LIPC: variants seen among roughly 807,000 people sequenced by gnomAD.
The protein encoded by LIPC is lipase C, hepatic type, also known as hepatic triacylglycerol lipase.
In LIPC, 44 loss-of-function variants were observed where a neutral mutation model predicts 50.7. The observed-to-expected ratio is 0.87, with a 90% CI of 0.68 to 1.11. The LOEUF is 1.11. LIPC is among the 50% of genes most tolerant of loss of function. LIPC has a pLI of 0.00. For synonymous variants in LIPC, 271 were observed against 256.4 expected (o/e 1.06, Z -0.54); for missense variants, 697 against 648.2 (o/e 1.08, Z -0.82).
At position 58,496,743 on chromosome 15, in the gene LIPC, C is replaced by CAAAAAAAAAAAAAAAAAAAAAAA. The variant is rs10716717; in HGVS notation, c.89-41573_89-41572insAAAAAAAAAAAAAAAAAAAAAAA. 2.3e-3 allele frequency among the ~76,000 whole-genome samples: 267 copies of CAAAAAAAAAAAAAAAAAAAAAAA among 114,078 alleles called. 16 individuals carry two copies. Among genetic ancestry groups the CAAAAAAAAAAAAAAAAAAAAAAA allele is most frequent in the Non-Finnish European group, 2.5e-3 (142 of 56,496 alleles). 74.8% of individuals were successfully genotyped at this position (114,078 alleles called of 152,430 possible). A position where few individuals can be genotyped will look rare whatever the true frequency, so the allele number is the denominator to read the frequency against. On this transcript the variant is annotated intron_variant, in intron 1 of 8. Transcript: ENST00000299022. ...GCCCTGCTACAGAAGTCTTCCCCCT[C>CAAAAAAAAAAAAAAAAAAAAAAA]AAAAAAAAAAAAAAAAATTAAGATG...
chr15:58,558,711 A>T (rs1894048731), intron 6 of LIPC, among the ~76,000 whole-genome samples: 1 of 152,164 alleles, frequency 6.6e-6, no homozygotes, highest in African/African-American at 2.4e-5. Context: ...ACACTGGTCC[A>T]TGGAAAAACT....
At chr15:58,565,413 G>A in intron 8 of LIPC, 1 of 1,458,324 alleles carries the variant, frequency 6.9e-7, no homozygotes, top group Non-Finnish European at 9.0e-7. Context: ...CTCCACTGGG[G>A]CACACCCATG....
At chr15:58,439,328 T>A (rs1047704639) in intron 1 of LIPC, among the ~76,000 whole-genome samples, 1 of 152,252 alleles carries the variant, frequency 6.6e-6, no homozygotes, top group Non-Finnish European at 1.5e-5. Flanking sequence ...TTGACTTTCA[T>A]GATTTAAATA....
chr15:58,453,906 G>C (rs983675834), intron 1 of LIPC, among the ~76,000 whole-genome samples: 1 of 151,986 alleles, frequency 6.6e-6, no homozygotes. Flanking sequence ...AAAAAAAATG[G>C]ATAGAATGTG....
intron 6 of LIPC, among the ~76,000 whole-genome samples, chr15:58,551,917 T>C (rs1174047607): frequency 6.6e-6 from 1 of 152,190 alleles, no homozygotes. Flanking sequence ...TCTACAACTG[T>C]ACACCAGAAC....
chr15:58,497,254 G>A (rs958612808), intron 1 of LIPC, among the ~76,000 whole-genome samples: 1 of 152,096 alleles, frequency 6.6e-6, no homozygotes, highest in Non-Finnish European at 1.5e-5. Flanking sequence ...TGGCTCCCCC[G>A]TCAGAGCAAG....
intron 1 of LIPC, among the ~76,000 whole-genome samples, chr15:58,439,587 A>G (rs1375165901): frequency 1.3e-5 from 2 of 152,118 alleles, no homozygotes; most frequent in Admixed American, 6.5e-5. Context: ...GCGATTACAG[A>G]CACACAACAC....
chr15:58,472,765 C>T lies in LIPC; in HGVS notation c.88+40645C>T, dbSNP rs114839037. Among the ~76,000 whole-genome samples, 1,246 of 152,164 alleles carry T rather than the reference C, an allele frequency of 8.2e-3. 18 individuals are homozygous for T. Among genetic ancestry groups the T allele is most frequent in the African/African-American group, 0.028 (1,145 of 41,522 alleles). On this transcript the variant is annotated intron_variant, in intron 1 of 8. Transcript: ENST00000299022. ...AGTAAGTGCCAGGCATGGGGCTAAG[C>T]ATTGTACTCACCCACTGTATTCCAT... is the stretch of plus-strand genomic sequence containing the variant.
At chr15:58,459,049 T>C (rs1294810306) in intron 1 of LIPC, among the ~76,000 whole-genome samples, 3 of 152,316 alleles carry the variant, frequency 2.0e-5, no homozygotes, top group Non-Finnish European at 2.9e-5. Context: ...CCCTTGGCTA[T>C]AGGTGCAATA....
At chr15:58,504,301 G>C (rs1892077167) in intron 1 of LIPC, among the ~76,000 whole-genome samples, 1 of 152,224 alleles carries the variant, frequency 6.6e-6, no homozygotes. Flanking sequence ...GCCCAGGGCA[G>C]AAGTGATGAC....
chr15:58,548,234 T>C (rs1327164633), intron 5 of LIPC, 96 bp from the exon 6 acceptor site: 5 of 1,559,818 alleles, frequency 3.2e-6, no homozygotes, highest in Non-Finnish European at 4.4e-6. Context: ...TGTGTGCTAC[T>C]GCTAACCTCC....
intron 8 of LIPC, chr15:58,565,275 T>C (rs1457694695): frequency 6.5e-7 from 1 of 1,535,614 alleles, no homozygotes; most frequent in Non-Finnish European, 8.7e-7. Context: ...GGAGCAGCGC[T>C]GCTTCTGAGC....
At chr15:58,553,021 C>T (rs1357204788) in intron 6 of LIPC, among the ~76,000 whole-genome samples, 5 of 152,138 alleles carry the variant, frequency 3.3e-5, no homozygotes, top group Non-Finnish European at 7.4e-5. Flanking sequence ...TTTTTCATCG[C>T]CATCTTATCA....
chr15:58,540,393 T>A (rs1893280269), intron 2 of LIPC, among the ~76,000 whole-genome samples: 1 of 152,170 alleles, frequency 6.6e-6, no homozygotes, highest in African/African-American at 2.4e-5. Flanking sequence ...TTCTCCTTCA[T>A]AACAATCCTG....
At chr15:58,463,651 T>C (rs1894431662) in intron 1 of LIPC, among the ~76,000 whole-genome samples, 1 of 152,176 alleles carries the variant, frequency 6.6e-6, no homozygotes, top group Non-Finnish European at 1.5e-5. Flanking sequence ...GTCCTGAGAT[T>C]GCGCAGGTAT....
intron 1 of LIPC, among the ~76,000 whole-genome samples, chr15:58,478,834 A>G (rs1396777051): frequency 6.6e-6 from 1 of 152,212 alleles, no homozygotes; most frequent in East Asian, 1.9e-4. Context: ...ACCAGCAATC[A>G]ATGCATGAAT....
chr15:58,545,345 C>A (rs368068057), intron 4 of LIPC, among the ~76,000 whole-genome samples: 3 of 152,152 alleles, frequency 2.0e-5, no homozygotes, highest in South Asian at 4.1e-4. Flanking sequence ...CTCAAGCAAC[C>A]CTCCTGCCAC....
intron 1 of LIPC, among the ~76,000 whole-genome samples, chr15:58,487,469 T>C (rs757804322): frequency 1.3e-5 from 2 of 152,250 alleles, no homozygotes; most frequent in African/African-American, 2.4e-5. Context: ...GTGTAGCTAA[T>C]CTGGGCATTC....
At chr15:58,542,981 G>A (rs948417957) in intron 4 of LIPC, among the ~76,000 whole-genome samples, 2 of 152,168 alleles carry the variant, frequency 1.3e-5, no homozygotes, top group South Asian at 2.1e-4. Flanking sequence ...TCCAATTTGG[G>A]CGAGTTAAGG....
Sources: gnomAD v4.1 joint callset for allele counts (sites outside exome capture counted in the v4.1 genomes callset) on GRCh38, gnomAD v4.1.1 for gene constraint, MANE v1.5 for transcripts, NCBI Gene and HGNC (gene_info 2026-07-23, HGNC 2026-07-21) for gene names.